POSTN: variants seen among roughly 807,000 people sequenced by gnomAD.
The protein encoded by POSTN is osteoblast specific factor 2 (fasciclin I-like).
In POSTN, 71 loss-of-function variants were observed where a neutral mutation model predicts 104.5. That is an observed-to-expected ratio of 0.68 (90% confidence interval 0.56 to 0.83). POSTN has a LOEUF of 0.83. POSTN is among the 40% of genes least tolerant of loss of function. The pLI is 0.00. For synonymous variants in POSTN, 355 were observed against 340.7 expected, an observed-to-expected ratio of 1.04 and a Z score of -0.46; for missense variants, 949 against 1,006.8, an observed-to-expected ratio of 0.94 and a Z score of 0.78.
intron 17 of POSTN, 159 bp from the exon 18 acceptor site, chr13:37,571,617 A>G (rs1950265214): frequency 1.9e-6 from 1 of 528,720 alleles, no homozygotes; most frequent in African/African-American, 2.0e-5. Context: ...ATTGTCTTCA[A>G]ATTAGACAAG....
intron 4 of POSTN, among the ~76,000 whole-genome samples, chr13:37,588,583 G>A (rs1224488001): frequency 6.6e-6 from 1 of 152,230 alleles, no homozygotes; most frequent in East Asian, 1.9e-4. Context: ...AATGCTTTCA[G>A]GGCTCCAATA....
rs536497089 is a variant in POSTN, at chr13:37,578,605, G to A, written c.1962+239C>T. ...GAGGTCAGGAGATCGAGACCATCCT[G>A]GCGAACACAGTGAAACCCCATCTCT... On this transcript the variant is annotated intron_variant, in intron 15 of 22. Coordinates refer to ENST00000379747, the MANE Select transcript of POSTN (RefSeq NM_006475.3). Among the ~76,000 whole-genome samples the A allele has an allele frequency of 1.6e-3, 246 of 152,022 alleles. 1 individual carries two copies. Among genetic ancestry groups the A allele is most frequent in the African/African-American group, 5.7e-3 (235 of 41,480 alleles).
intron 3 of POSTN, among the ~76,000 whole-genome samples, chr13:37,591,807 C>A (rs543847715): frequency 6.6e-6 from 1 of 152,204 alleles, no homozygotes; most frequent in East Asian, 1.9e-4. Flanking sequence ...TTCCATGTTC[C>A]TAGACAAGTT....
chr13:37,567,658 G>A (rs1280318972), intron 21 of POSTN, among the ~76,000 whole-genome samples: 2 of 151,900 alleles, frequency 1.3e-5, no homozygotes, highest in Non-Finnish European at 2.9e-5. Flanking sequence ...TGTGAAAACC[G>A]ATGCCTTACA....
At chr13:37,569,072 TC>T (rs1950189954) in intron 21 of POSTN, 1 of 320,642 alleles carries the variant, frequency 3.1e-6, no homozygotes, top group Admixed American at 4.8e-5. Flanking sequence ...TATTCATTGC[TC>T]CCCAAACTTT....
At chr13:37,592,240 T>C in intron 2 of POSTN, 76 bp from the exon 3 acceptor site, 1 of 920,966 alleles carries the variant, frequency 1.1e-6, no homozygotes, top group Non-Finnish European at 1.7e-6. Context: ...TGACAAAATA[T>C]TTCACTTATT....
chr13:37,597,338 G>C, intron 1 of POSTN, 56 bp from the exon 2 acceptor site: 1 of 1,137,360 alleles, frequency 8.8e-7, no homozygotes, highest in Non-Finnish European at 1.3e-6. Context: ...CTAGTTTTTC[G>C]TATCTAAAGA....
In POSTN at chr13:37,579,015, A is replaced by T; in HGVS notation, c.1894+4T>A. The T allele has an allele frequency of 1.2e-6, 2 of 1,612,044 alleles. No individual in the cohort carries two copies. Among genetic ancestry groups the T allele is most frequent in the Non-Finnish European group, 1.7e-6 (2 of 1,179,216 alleles). On this transcript the variant is annotated splice_donor_region_variant and intron_variant, in intron 14 of 22. Coordinates refer to ENST00000379747, the MANE Select transcript of POSTN (RefSeq NM_006475.3). ...GCCTATCAATGAGTTCAATAATTAC[A>T]AACCTGCTGGATAGAGGAGTTTATC...
At chr13:37,571,524 A>G in intron 17 of POSTN, 66 bp from the exon 18 acceptor site, 1 of 1,220,494 alleles carries the variant, frequency 8.2e-7, no homozygotes, top group Non-Finnish European at 1.2e-6. Context: ...CCGGAATAGG[A>G]CATTTATTTC....
intron 17 of POSTN, among the ~76,000 whole-genome samples, chr13:37,572,656 G>A (rs1206190753): frequency 1.3e-5 from 2 of 151,556 alleles, no homozygotes; most frequent in Non-Finnish European, 3.0e-5. Flanking sequence ...ACCTCAGAAA[G>A]TACCCAGCAG....
intron 4 of POSTN, among the ~76,000 whole-genome samples, chr13:37,589,819 G>A (rs920112636): frequency 2.0e-5 from 3 of 151,768 alleles, no homozygotes; most frequent in South Asian, 2.1e-4. Context: ...TTATAGATTC[G>A]GAAATTGAGT....
At chr13:37,577,505 C>T (rs535880149) in intron 16 of POSTN, among the ~76,000 whole-genome samples, 23 of 152,240 alleles carry the variant, frequency 1.5e-4, no homozygotes, top group African/African-American at 4.1e-4. Flanking sequence ...CTCTTTGCCA[C>T]GCTAATATTA....
intron 21 of POSTN, chr13:37,565,507 A>G (rs1183184534): frequency 6.6e-6 from 1 of 152,086 alleles, no homozygotes; most frequent in Non-Finnish European, 1.5e-5. Flanking sequence ...CTGAAATCAT[A>G]TAAAAAGTAA....
Position 37,590,431 on chromosome 13 carries a change from C to G in POSTN, c.382G>C (p.Gly128Arg). The G allele has an allele frequency of 6.2e-7, 1 of 1,612,022 alleles. No individual in the cohort carries two copies. Among genetic ancestry groups the G allele is most frequent in the African/African-American group, 1.3e-5 (1 of 74,994 alleles). The change falls in exon 4 of 23, where the codon GGA becomes CGA. Residue 128 changes from glycine (G) to arginine (R), a missense_variant. Physicochemically the swap from Gly to Arg is moderately radical, Grantham distance 125. Transcript: ENST00000379747. ...DASKLREEIEGKGSFTYFAPS... is the reference protein window; with the variant it reads ...DASKLREEIERKGSFTYFAPS... ...GCAAAGTAAGTGAAGGATCCCTTTCCCTCGATCTCCTCCCTCAGTTTTGAG... is the reference window on the plus strand; with the variant it reads ...GCAAAGTAAGTGAAGGATCCCTTTCGCTCGATCTCCTCCCTCAGTTTTGAG...
chr13:37,583,370 C>A (rs1009894434), intron 9 of POSTN, among the ~76,000 whole-genome samples: 1 of 150,884 alleles, frequency 6.6e-6, no homozygotes, highest in Admixed American at 6.6e-5. Context: ...TTTTAGAGAT[C>A]TGTCAATGCA....
intron 21 of POSTN, among the ~76,000 whole-genome samples, chr13:37,566,094 A>T (rs1410412566): frequency 5.3e-5 from 8 of 152,178 alleles, no homozygotes; most frequent in Non-Finnish European, 8.8e-5. Flanking sequence ...AGAATAAAAA[A>T]CATTCAATGT....
intron 2 of POSTN, among the ~76,000 whole-genome samples, chr13:37,595,592 T>A (rs1951061253): frequency 6.6e-6 from 1 of 152,178 alleles, no homozygotes; most frequent in Non-Finnish European, 1.5e-5. Flanking sequence ...CTTGTGCATT[T>A]CAAATAGGCA....
In POSTN at chr13:37,580,751, G is replaced by A; in HGVS notation, c.1393-54C>T. 5 of 1,609,008 alleles carry A rather than the reference G, an allele frequency of 3.1e-6. No homozygotes were observed. The South Asian group carries it at 3.3e-5, about 11-fold the overall frequency. ...TCATTTTCCTTGCTTGAAATTTCCCGTATAGATGTAACTACATAATTAAGT... is the reference window on the plus strand; with the variant it reads ...TCATTTTCCTTGCTTGAAATTTCCCATATAGATGTAACTACATAATTAAGT... On this transcript the variant is annotated intron_variant, in intron 10 of 22. Transcript: ENST00000379747.
intron 2 of POSTN, 35 bp downstream of exon 2, chr13:37,597,149 G>T: frequency 7.2e-7 from 1 of 1,396,988 alleles, no homozygotes; most frequent in Non-Finnish European, 9.7e-7. Context: ...GTTGTTTTTG[G>T]AACTGACATA....
Sources: allele counts gnomAD v4.1 joint callset (sites outside exome capture counted in the v4.1 genomes callset), GRCh38; gene constraint gnomAD v4.1.1; transcripts MANE v1.5; gene names NCBI Gene and HGNC (gene_info 2026-07-23, HGNC 2026-07-21).